Variants in AQR observed in about 807,000 individuals in gnomAD.
The protein encoded by AQR is aquarius intron-binding spliceosomal factor.
Under a neutral mutation model 180.5 loss-of-function variants are expected in AQR, and 61 were observed. That is an observed-to-expected ratio of 0.34 (90% CI 0.28 to 0.42). AQR has a LOEUF of 0.42. Among genes scored for constraint, AQR ranks in the 10% least tolerant of loss-of-function variants. The pLI, the probability that AQR is intolerant of heterozygous loss-of-function variation, is 1.00. For synonymous variants in AQR, 551 were observed against 588.8 expected (o/e 0.94, Z 0.93); for missense variants, 1,281 against 1,798.3 (o/e 0.71, Z 5.20).
intron 4 of AQR, among the ~76,000 whole-genome samples, chr15:34,949,477 C>G (rs1293478136): frequency 6.6e-6 from 1 of 151,452 alleles, no homozygotes; most frequent in African/African-American, 2.4e-5. Flanking sequence ...GGCATGGTGG[C>G]GTGTGCCTAT....
At chr15:34,893,553 C>T (rs1893181833) in intron 23 of AQR, 110 bp downstream of exon 23, 2 of 868,542 alleles carry the variant, frequency 2.3e-6, no homozygotes, top group Non-Finnish European at 3.6e-6. Context: ...TTGTGTCCCA[C>T]ACTTACCTCC....
chr15:34,916,413 CAT>C (rs1241346807), intron 15 of AQR, among the ~76,000 whole-genome samples: 3 of 150,622 alleles, frequency 2.0e-5, no homozygotes, highest in African/African-American at 7.3e-5. Context: ...ACTGATAAGT[CAT>C]AGTCTCATCA....
intron 31 of AQR, chr15:34,868,393 T>C (rs1254200442): frequency 1.3e-5 from 2 of 151,084 alleles, no homozygotes; most frequent in African/African-American, 4.9e-5. Context: ...TTCAGAAAGG[T>C]TTCAGTCACT....
Position 34,853,197 on chromosome 15 carries a change from CA to C in AQR, c.*3594del, listed in dbSNP as rs1376471109. On this transcript the variant is annotated 3_prime_UTR_variant, in exon 35 of 35. Coordinates refer to ENST00000156471, the MANE Select transcript of AQR (RefSeq NM_014691.3). The stretch of plus-strand genomic sequence containing the variant: ...CAGGCTAACTGCCAAGCATTTTTCA[CA>C]GGAAGCAAGGCACTGCTCTTCTGGC... 6.6e-6 allele frequency: 1 copy of C among 151,258 alleles called. No homozygotes were observed. Among genetic ancestry groups the C allele is most frequent in the African/African-American group, 2.4e-5 (1 of 41,118 alleles). 9.4% of individuals were successfully genotyped at this position (151,258 alleles called of 1,614,324 possible).
At chr15:34,907,411 A>C (rs1274660751) in intron 17 of AQR, among the ~76,000 whole-genome samples, 1 of 152,134 alleles carries the variant, frequency 6.6e-6, no homozygotes, top group Non-Finnish European at 1.5e-5. Context: ...ATAAAATTAG[A>C]CCTCACAGCA....
Position 34,856,727 on chromosome 15 carries a change from A to G in AQR, c.*65T>C, listed in dbSNP as rs1892589971. On this transcript the variant is annotated 3_prime_UTR_variant, in exon 35 of 35. Coordinates refer to ENST00000156471, the MANE Select transcript of AQR (RefSeq NM_014691.3). ...AAAATGGCAGAAGCAAATATAAAAT[A>G]CAAAAAACAGCTTTACTCAGACTTT... is the stretch of plus-strand genomic sequence containing the variant. 7.4e-7 allele frequency: 1 copy of G among 1,346,934 alleles called. No homozygotes were observed. Among genetic ancestry groups the G allele is most frequent in the African/African-American group, 1.5e-5 (1 of 68,612 alleles). The allele number at this position is 1,346,934 out of a possible 1,614,324, so 83.4% of individuals were successfully genotyped here. A position where few individuals can be genotyped will look rare whatever the true frequency, so the allele number is the denominator to read the frequency against.
At chr15:34,903,110 A>G (rs748335549) in intron 19 of AQR, among the ~76,000 whole-genome samples, 2 of 152,162 alleles carry the variant, frequency 1.3e-5, no homozygotes, top group Non-Finnish European at 2.9e-5. Context: ...GGTGAGGAAA[A>G]GAACTATGTA....
Position 34,939,376 on chromosome 15 carries a change from G to C in AQR, c.642-563C>G, listed in dbSNP as rs892561159. Among the ~76,000 whole-genome samples, 13 of 152,118 alleles carry C rather than the reference G, an allele frequency of 8.5e-5. 3 individuals are homozygous for C. Among genetic ancestry groups the C allele is most frequent in the Admixed American group, 2.6e-4 (4 of 15,270 alleles). On this transcript the variant is annotated intron_variant, in intron 8 of 34. Coordinates refer to ENST00000156471, the MANE Select transcript of AQR (RefSeq NM_014691.3). ...GCCATGGCGCCCAGCCTGAGACACA[G>C]CTCCCAGCCAAACATTTTCATTTGT...
chr15:34,917,185 G>A (rs774955267), intron 15 of AQR, among the ~76,000 whole-genome samples: 4 of 152,194 alleles, frequency 2.6e-5, no homozygotes, highest in Non-Finnish European at 5.9e-5. Context: ...GACTGCCTAT[G>A]TTCTGAAATC....
In AQR at chr15:34,904,323, AC is replaced by A. The variant is rs1156292402; in HGVS notation, c.2001+12del. ...TATGACATAGTACTTTTAGTTACAT[AC>A]CCCCAAATTACCTTAAAGTTATTTT... On this transcript the variant is annotated intron_variant, in intron 19 of 34. Coordinates refer to ENST00000156471, the MANE Select transcript of AQR (RefSeq NM_014691.3). The A allele has an allele frequency of 1.9e-6, 3 of 1,547,226 alleles. No individual in the cohort carries two copies. The African/African-American group carries it at 4.1e-5, about 21-fold the overall frequency.
At chr15:34,934,267 T>C (rs1300386409) in intron 10 of AQR, among the ~76,000 whole-genome samples, 4 of 149,228 alleles carry the variant, frequency 2.7e-5, no homozygotes, top group African/African-American at 2.4e-5. Context: ...TATTAATAAA[T>C]ATTGTATACA....
At chr15:34,865,302 G>T (rs1008599178) in intron 32 of AQR, among the ~76,000 whole-genome samples, 4 of 152,112 alleles carry the variant, frequency 2.6e-5, no homozygotes, top group African/African-American at 9.7e-5. Flanking sequence ...GTCCAAATCA[G>T]TTCGGTACAA....
In AQR at chr15:34,937,049, C is replaced by T. The variant is rs371082159; in HGVS notation, c.718+1688G>A. On this transcript the variant is annotated intron_variant, in intron 9 of 34. Coordinates refer to ENST00000156471, the MANE Select transcript of AQR (RefSeq NM_014691.3). ...AAGCATAAAACGTTTTCTTTCTTTT[C>T]TTTTTTGAGACTGAGTTTTGTTCTG... 6.9e-3 allele frequency among the ~76,000 whole-genome samples: 1,053 copies of T among 152,138 alleles called. 9 individuals are homozygous for T. The highest frequency in any genetic ancestry group is 0.022 in the African/African-American group (931 of 41,504).
intron 3 of AQR, among the ~76,000 whole-genome samples, chr15:34,953,841 C>G (rs1464336101): frequency 6.6e-6 from 1 of 152,200 alleles, no homozygotes; most frequent in Admixed American, 6.5e-5. Context: ...AAAATCCTGG[C>G]TCATAAGATA....
intron 1 of AQR, 56 bp from the exon 2 acceptor site, chr15:34,964,346 G>A (rs934992248): frequency 1.5e-6 from 2 of 1,377,924 alleles, no homozygotes; most frequent in Non-Finnish European, 2.1e-6. Context: ...TGTAGAGCTG[G>A]AAGACAGATC....
At chr15:34,892,607 C>A (rs73391762) in intron 23 of AQR, among the ~76,000 whole-genome samples, 2 of 152,240 alleles carry the variant, frequency 1.3e-5, no homozygotes, top group African/African-American at 4.8e-5. Flanking sequence ...GCAGATACTC[C>A]TCAACTTACA....
chr15:34,918,705 A>G (rs1893635909), intron 14 of AQR, among the ~76,000 whole-genome samples: 2 of 152,262 alleles, frequency 1.3e-5, no homozygotes, highest in South Asian at 4.1e-4. Flanking sequence ...CCAATGAAAT[A>G]TGAAATAGTG....
chr15:34,865,290 C>A (rs531049274), intron 32 of AQR, among the ~76,000 whole-genome samples: 5 of 152,242 alleles, frequency 3.3e-5, no homozygotes, highest in African/African-American at 1.2e-4. Context: ...GGTAGCTAGG[C>A]TGTCCAAATC....
At chr15:34,893,286 C>A in intron 23 of AQR, among the ~76,000 whole-genome samples, 1 of 152,132 alleles carries the variant, frequency 6.6e-6, no homozygotes, top group Middle Eastern at 3.4e-3. Context: ...GGAGTAAGAC[C>A]GCACAATATA....
Sources: gnomAD v4.1 joint callset for allele counts (sites outside exome capture counted in the v4.1 genomes callset) on GRCh38, gnomAD v4.1.1 for gene constraint, MANE v1.5 for transcripts, NCBI Gene and HGNC (gene_info 2026-07-23, HGNC 2026-07-21) for gene names.